Variants in NRXN3 observed in about 807,000 individuals in gnomAD.
NRXN3 encodes neurexin 3.
Under a neutral mutation model 137.6 loss-of-function variants are expected in NRXN3, and 32 were observed. The ratio of observed to expected loss-of-function variants is 0.23; its 90% CI spans 0.18 to 0.31. The LOEUF is 0.31. Among genes scored for constraint, NRXN3 ranks in the 10% least tolerant of loss-of-function variants. The probability of loss-of-function intolerance (pLI) is 1.00; values close to 1 mark genes in which losing one functional copy is unlikely to be tolerated. For missense variants in NRXN3, 1,574 were observed against 2,062.5 expected (o/e 0.76, Z 4.59); for synonymous variants, 798 against 784.5 (o/e 1.02, Z -0.29).
At chr14:78,982,550 G>A (rs545212111) in intron 14 of NRXN3, among the ~76,000 whole-genome samples, 1 of 152,218 alleles carries the variant, frequency 6.6e-6, no homozygotes, top group East Asian at 1.9e-4. Context: ...ATGGAGAAAG[G>A]ATGGTCTCTT....
chr14:79,165,599 G>C (rs2061215572), intron 15 of NRXN3, among the ~76,000 whole-genome samples: 1 of 151,972 alleles, frequency 6.6e-6, no homozygotes, highest in Non-Finnish European at 1.5e-5. Context: ...TTTATGTCAT[G>C]ATTTAGAATA....
chr14:79,352,259 T>C (rs1196039714), intron 15 of NRXN3, among the ~76,000 whole-genome samples: 2 of 152,162 alleles, frequency 1.3e-5, no homozygotes, highest in Non-Finnish European at 2.9e-5. Flanking sequence ...GTCTGGCTAA[T>C]CATCCAGATG....
intron 20 of NRXN3, among the ~76,000 whole-genome samples, chr14:79,820,579 C>T (rs79600573): frequency 0.023 from 3,440 of 152,164 alleles, 60 homozygotes; most frequent in Non-Finnish European, 0.034. Flanking sequence ...ACATATCATG[C>T]GGTTTTGTTG....
chr14:78,281,205 G>A (rs1020083857), intron 3 of NRXN3, among the ~76,000 whole-genome samples: 1 of 152,190 alleles, frequency 6.6e-6, no homozygotes, highest in African/African-American at 2.4e-5. Flanking sequence ...CCTGGCTGAG[G>A]TCAGTGGGGG....
chr14:78,794,691 T>C (rs1040620395), intron 8 of NRXN3, among the ~76,000 whole-genome samples: 10 of 151,986 alleles, frequency 6.6e-5, no homozygotes, highest in African/African-American at 2.4e-4. Flanking sequence ...CTACTGTTAA[T>C]GATGGCATGA....
chr14:79,047,961 A>G (rs572433699), intron 15 of NRXN3, among the ~76,000 whole-genome samples: 2 of 152,194 alleles, frequency 1.3e-5, no homozygotes, highest in Non-Finnish European at 2.9e-5. Context: ...ATATATACAC[A>G]ATGACATAAA....
At chr14:79,096,664 T>G (rs1344367537) in intron 15 of NRXN3, among the ~76,000 whole-genome samples, 1 of 152,066 alleles carries the variant, frequency 6.6e-6, no homozygotes, top group Non-Finnish European at 1.5e-5. Flanking sequence ...CTCACCAGCA[T>G]TCTCTGTGAC....
intron 14 of NRXN3, among the ~76,000 whole-genome samples, chr14:78,980,068 G>A (rs1418571560): frequency 2.0e-5 from 3 of 152,184 alleles, no homozygotes; most frequent in African/African-American, 4.8e-5. Flanking sequence ...TGGTTAACAC[G>A]GAATTCTACT....
chr14:78,561,689 C>A (rs2096787891), intron 4 of NRXN3, among the ~76,000 whole-genome samples: 1 of 152,222 alleles, frequency 6.6e-6, no homozygotes, highest in Admixed American at 6.5e-5. Context: ...CTTCCTGGAA[C>A]ATACTCCAAT....
intron 10 of NRXN3, among the ~76,000 whole-genome samples, chr14:78,915,358 A>C: frequency 6.8e-6 from 1 of 148,006 alleles, no homozygotes; most frequent in Non-Finnish European, 1.5e-5. Context: ...AAAAAAAAAA[A>C]AAAAAAAAAA....
intron 15 of NRXN3, among the ~76,000 whole-genome samples, chr14:79,007,941 A>G (rs1247928799): frequency 2.6e-5 from 4 of 151,740 alleles, no homozygotes; most frequent in South Asian, 4.2e-4. Context: ...TCTTAATCCT[A>G]TGATTTTCTG....
At chr14:79,304,836 C>G (rs970426454) in intron 15 of NRXN3, among the ~76,000 whole-genome samples, 1 of 152,068 alleles carries the variant, frequency 6.6e-6, no homozygotes, top group Non-Finnish European at 1.5e-5. Context: ...TTTAGTTTAA[C>G]ACCTCTTAAC....
chr14:78,724,000 A>T (rs1357887841), intron 8 of NRXN3, among the ~76,000 whole-genome samples: 1 of 152,174 alleles, frequency 6.6e-6, no homozygotes, highest in Non-Finnish European at 1.5e-5. Context: ...CATTAAAATG[A>T]TCTGTTATGA....
chr14:79,302,802 C>T (rs569382860), intron 15 of NRXN3, among the ~76,000 whole-genome samples: 2 of 152,080 alleles, frequency 1.3e-5, no homozygotes, highest in Admixed American at 1.3e-4. Context: ...TTTCCTGAGG[C>T]TTCCCAAGAC....
At chr14:79,786,034 A>T (rs948967829) in intron 19 of NRXN3, among the ~76,000 whole-genome samples, 4 of 152,102 alleles carry the variant, frequency 2.6e-5, no homozygotes, top group African/African-American at 9.7e-5. Flanking sequence ...GGGACAGATA[A>T]GACTTCCAGA....
chr14:79,243,307 C>G (rs942393484), intron 15 of NRXN3, among the ~76,000 whole-genome samples: 2 of 152,234 alleles, frequency 1.3e-5, no homozygotes, highest in South Asian at 4.1e-4. Context: ...AGGACAGCAT[C>G]CAAATACAGC....
At chr14:78,464,600 A>G (rs920432260) in intron 4 of NRXN3, among the ~76,000 whole-genome samples, 2 of 152,230 alleles carry the variant, frequency 1.3e-5, no homozygotes, top group Non-Finnish European at 2.9e-5. Flanking sequence ...AAAATTATAC[A>G]AGAAAAAATA....
intron 19 of NRXN3, among the ~76,000 whole-genome samples, chr14:79,792,183 C>T (rs1399874092): frequency 6.6e-6 from 1 of 151,252 alleles, no homozygotes; most frequent in Non-Finnish European, 1.5e-5. Context: ...CAGCACCTCT[C>T]AAAACAGAAA....
intron 15 of NRXN3, among the ~76,000 whole-genome samples, chr14:79,438,102 G>A (rs956385191): frequency 2.0e-5 from 3 of 152,178 alleles, no homozygotes; most frequent in Non-Finnish European, 2.9e-5. Context: ...AAAAACTCGG[G>A]TAGGTGCAAG....
Sources: gnomAD v4.1 joint callset for allele counts (sites outside exome capture counted in the v4.1 genomes callset) on GRCh38, gnomAD v4.1.1 for gene constraint, MANE v1.5 for transcripts, NCBI Gene and HGNC (gene_info 2026-07-23, HGNC 2026-07-21) for gene names.